The following KCNA6 variants were observed in gnomAD, a reference collection of about 807,000 sequenced individuals.
KCNA6 encodes potassium voltage-gated channel subfamily A member 6.
KCNA6 carries 17 observed loss-of-function variants against 29.5 expected under a neutral mutation model. The ratio of observed to expected loss-of-function variants is 0.58; its 90% CI spans 0.39 to 0.86. KCNA6 has a LOEUF of 0.86. Ranked by LOEUF, KCNA6 falls within the 40% of genes least tolerant of loss-of-function variation. KCNA6 has a pLI of 0.00. For missense variants in KCNA6, 450 were observed against 703.4 expected (o/e 0.64, Z 4.07); for synonymous variants, 296 against 304.7 (o/e 0.97, Z 0.30).
At chr12:4,820,589 A>ACT in the KCNA6 span, among the ~76,000 whole-genome samples, 17 of 145,168 alleles carry the variant, frequency 1.2e-4, no homozygotes, top group African/African-American at 3.8e-4. Context: ...ACACACACAC[A>ACT]CACTCTTAAA....
chr12:4,835,134 A>ATTTT, the KCNA6 span, among the ~76,000 whole-genome samples: 18 of 136,320 alleles, frequency 1.3e-4, no homozygotes, highest in African/African-American at 3.6e-4. Context: ...ACAGAGAATG[A>ATTTT]TTTTTTTTTT....
At chr12:4,828,487 A>G in the KCNA6 span, among the ~76,000 whole-genome samples, 1 of 152,232 alleles carries the variant, frequency 6.6e-6, no homozygotes, top group Non-Finnish European at 1.5e-5. Context: ...TTCCTTGGCT[A>G]TACTCCTAAA....
Position 4,810,673 on chromosome 12 carries a change from T to C in KCNA6, c.632T>C (p.Val211Ala). The C allele has an allele frequency of 6.2e-7, 1 of 1,606,288 alleles. No individual in the cohort carries two copies. The highest frequency in any genetic ancestry group is 1.1e-5 in the South Asian group (1 of 90,474). The change falls in exon 1 of 1, where the codon GTG becomes GCG. Residue 211 changes from valine to alanine, a missense_variant. By Grantham distance (64) the Val-to-Ala change is moderately conservative. Coordinates refer to ENST00000280684, the Ensembl canonical transcript of KCNA6. This position sits in a 1 kb window ranked among gnomAD's most constrained non-coding sequence, Gnocchi z 7.5. ...GGTCGAGGTGGAAACAATGGTGGTG[T>C]GAGTCGAGTCTCCCCAGTTTCCAGG...
chr12:4,843,166 T>C, the KCNA6 span, among the ~76,000 whole-genome samples: 1 of 145,540 alleles, frequency 6.9e-6, no homozygotes. Context: ...ACAGTGATCA[T>C]GTTTTTAAAA....
the KCNA6 span, among the ~76,000 whole-genome samples, chr12:4,821,272 G>A: frequency 2.0e-5 from 3 of 152,142 alleles, no homozygotes. Flanking sequence ...AAAGAGGTCC[G>A]GTATGGTGGG....
At chr12:4,837,974 G>A in the KCNA6 span, among the ~76,000 whole-genome samples, 1 of 152,066 alleles carries the variant, frequency 6.6e-6, no homozygotes, top group African/African-American at 2.4e-5. Context: ...GCGCTAGACT[G>A]CAGAGACCGC....
chr12:4,823,416 CT>C, the KCNA6 span, among the ~76,000 whole-genome samples: 103,053 of 146,190 alleles, frequency 0.7, 36,024 homozygotes, highest in African/African-American at 0.75. Context: ...GGAAAAAAAG[CT>C]TTTTTTTTTT....
the KCNA6 span, among the ~76,000 whole-genome samples, chr12:4,832,176 A>G: frequency 2.0e-5 from 3 of 152,174 alleles, no homozygotes; most frequent in African/African-American, 7.2e-5. Context: ...CCTGGGTGTC[A>G]TCAGTCAGCC....
At chr12:4,818,324 G>A (rs929713235), downstream of KCNA6, among the ~76,000 whole-genome samples, 2 of 152,196 alleles carry the variant, frequency 1.3e-5, no homozygotes, top group African/African-American at 2.4e-5. Context: ...TTAACAAAGG[G>A]TTTAAGAGCA....
At chr12:4,836,523 G>T in the KCNA6 span, among the ~76,000 whole-genome samples, 3 of 152,316 alleles carry the variant, frequency 2.0e-5, no homozygotes, top group East Asian at 5.8e-4. Flanking sequence ...TTGAACAAAG[G>T]TATGGGGGTC....
the KCNA6 span, among the ~76,000 whole-genome samples, chr12:4,820,668 A>T: frequency 6.6e-6 from 1 of 151,916 alleles, no homozygotes; most frequent in Non-Finnish European, 1.5e-5. Context: ...GAATTAAGTG[A>T]TTTTAACTTT....
At chr12:4,813,134 T>A (rs908181024) in exon 1 of KCNA6, 2 of 166,478 alleles carry the variant, frequency 1.2e-5, no homozygotes, top group African/African-American at 4.9e-5. Flanking sequence ...AATTTTTTTT[T>A]TAAAAATTAT....
chr12:4,815,355 G>A (rs1036072819), downstream of KCNA6, among the ~76,000 whole-genome samples: 1 of 152,306 alleles, frequency 6.6e-6, no homozygotes, highest in South Asian at 2.1e-4. Flanking sequence ...GGCAAGTCCT[G>A]AACCTGCCAA....
chr12:4,810,076 CG>C lies in KCNA6; in HGVS notation c.40del (p.Glu14ArgfsTer31). ...GAGAAATCCCTTACGCTGGCGGCGC[CG>C]GGGGAGGTCCGTGGGCCGGAGGGAG... On this transcript the variant is annotated frameshift_variant, in exon 1 of 1. Transcript: ENST00000280684. LOFTEE classifies it high-confidence loss of function. The surrounding 1 kb of genome is among the most constrained non-coding windows in gnomAD (Gnocchi z 7.5). The C allele has an allele frequency of 1.9e-6, 3 of 1,550,072 alleles. No homozygotes were observed. Among genetic ancestry groups the C allele is most frequent in the Non-Finnish European group, 8.7e-7 (1 of 1,151,096 alleles).
At chr12:4,814,966 A>G (rs2137580313), downstream of KCNA6, among the ~76,000 whole-genome samples, 1 of 152,074 alleles carries the variant, frequency 6.6e-6, no homozygotes, top group South Asian at 2.1e-4. The surrounding 1 kb of genome is among the most constrained non-coding windows in gnomAD (Gnocchi z 4.6). Context: ...CATTAACTTC[A>G]GTTTCCTTTT....
chr12:4,823,715 T>C, the KCNA6 span, among the ~76,000 whole-genome samples: 3 of 152,162 alleles, frequency 2.0e-5, no homozygotes, highest in Non-Finnish European at 4.4e-5. Flanking sequence ...TGCAGTGAGC[T>C]GAGACTGCGC....
rs755370856 is a variant in KCNA6, at chr12:4,810,809, C to T, written c.768C>T (p.Gly256=). ...CCTCCTCACTCAGTACTCTTGGGGG[C>T]TCCTTCTTTACAGACCCCTTCTTTC... The change falls in exon 1 of 1, where the codon GGC becomes GGT. Residue 256 remains glycine (G), a synonymous_variant. Coordinates refer to ENST00000280684, the Ensembl canonical transcript of KCNA6. This position sits in a 1 kb window ranked among gnomAD's most constrained non-coding sequence, Gnocchi z 7.5. 6.3e-7 allele frequency: 1 copy of T among 1,591,174 alleles called. No homozygotes were observed. Among genetic ancestry groups the T allele is most frequent in the Non-Finnish European group, 8.6e-7 (1 of 1,169,276 alleles).
the KCNA6 span, among the ~76,000 whole-genome samples, chr12:4,831,737 A>C: frequency 1.3e-5 from 2 of 152,190 alleles, no homozygotes; most frequent in East Asian, 3.9e-4. Context: ...GCTTCTGAAA[A>C]TAATCTCTTA....
chr12:4,842,063 C>T, the KCNA6 span, among the ~76,000 whole-genome samples: 1 of 60,256 alleles, frequency 1.7e-5, no homozygotes, highest in Non-Finnish European at 3.5e-5. Context: ...GTGTGTGTGT[C>T]TGCTGATGAG....
Sources: allele counts gnomAD v4.1 joint callset (sites outside exome capture counted in the v4.1 genomes callset), GRCh38; gene constraint gnomAD v4.1.1; non-coding constraint Gnocchi (gnomAD v3.1); transcripts MANE v1.5; gene names NCBI Gene and HGNC (gene_info 2026-07-23, HGNC 2026-07-21).